The following LAMB1 variants were observed in gnomAD, a reference collection of about 807,000 sequenced individuals.
LAMB1 encodes the protein laminin subunit beta 1, also known as laminin subunit beta-1.
A neutral mutation model predicts 222.3 loss-of-function variants in LAMB1; 121 were observed. The observed-to-expected ratio is 0.54, with a 90% CI of 0.47 to 0.63. The LOEUF is 0.63. Ranked by LOEUF, LAMB1 falls within the 30% of genes least tolerant of loss-of-function variation. The pLI, the probability that LAMB1 is intolerant of heterozygous loss-of-function variation, is 0.00. For synonymous variants in LAMB1, 794 were observed against 807.2 expected (o/e 0.98, Z 0.28); for missense variants, 2,172 against 2,240.8 (o/e 0.97, Z 0.62).
chr7:107,964,406 T>C (rs1267687225), intron 14 of LAMB1, 146 bp downstream of exon 14: 14 of 938,612 alleles, frequency 1.5e-5, no homozygotes, highest in Non-Finnish European at 2.1e-5. Context: ...ATGACTCTTC[T>C]CAGGAAGGCA....
intron 32 of LAMB1, among the ~76,000 whole-genome samples, chr7:107,925,151 T>C (rs916710475): frequency 2.0e-5 from 3 of 152,072 alleles, no homozygotes; most frequent in African/African-American, 4.8e-5. Context: ...TAGAGAGAGG[T>C]AGGGAAAGTT....
Position 107,978,164 on chromosome 7 carries a change from GA to G in LAMB1, c.882del (p.His295ThrfsTer13). On this transcript the variant is annotated frameshift_variant and splice_region_variant, in exon 9 of 34. Transcript: ENST00000222399. LOFTEE classifies it high-confidence loss of function. ...TTATGCCTGCACATGCAGTGTCCGT[GA>G]ACCTTGAAAGTTATAAAAACAGGAG... ...DGFNEEVEGM[V>X]HGHCMCRHNT... The G allele has an allele frequency of 6.2e-7, 1 of 1,613,862 alleles. No individual in the cohort carries two copies. The highest frequency in any genetic ancestry group is 2.2e-5 in the East Asian group (1 of 44,874).
intron 12 of LAMB1, among the ~76,000 whole-genome samples, chr7:107,974,180 C>T (rs1474875855): frequency 6.6e-6 from 1 of 151,788 alleles, no homozygotes; most frequent in African/African-American, 2.4e-5. Flanking sequence ...GTGAATCCTC[C>T]CTAAATTAGA....
rs1247745974 is a variant in LAMB1, at chr7:107,964,567, T to A, written c.1683A>T (p.Glu561Asp). The A allele has an allele frequency of 6.2e-7, 1 of 1,614,156 alleles. No individual in the cohort carries two copies. The highest frequency in any genetic ancestry group is 1.7e-5 in the Admixed American group (1 of 60,010). The change falls in exon 14 of 34, where the codon GAA becomes GAT. Residue 561 changes from glutamate (E) to aspartate (D), a missense_variant. Coordinates refer to ENST00000222399, the MANE Select transcript of LAMB1 (RefSeq NM_002291.3). ...CCCTACTCACAGGCCCCAAGTTGGC[T>A]TCCTCCGCTTCATAGAGGTAGTGAT... ...TLDHYLYEAE[E>D]ANLGPGVSIV...
chr7:107,938,020 T>C (rs2032888438), intron 25 of LAMB1, among the ~76,000 whole-genome samples: 1 of 152,206 alleles, frequency 6.6e-6, no homozygotes, highest in South Asian at 2.1e-4. Flanking sequence ...TGTGTGCACA[T>C]GCGAGTGTGC....
At chr7:108,003,043 C>T in intron 1 of LAMB1, 68 bp downstream of exon 1, 1 of 1,430,382 alleles carries the variant, frequency 7.0e-7, no homozygotes, top group Non-Finnish European at 9.1e-7. Flanking sequence ...CATTTCCTGT[C>T]GCTCCCACGG....
At position 107,973,089 on chromosome 7, in the gene LAMB1, A is replaced by T. The variant is rs1334631311; in HGVS notation, c.1483-18T>A. On this transcript the variant is annotated intron_variant, in intron 12 of 33. Transcript: ENST00000222399. ...TGCTCTGGCTGCAGAACAAAACGTGAAACATGTAACGGTAGGTTTCTGTAA... is the reference window on the plus strand; with the variant it reads ...TGCTCTGGCTGCAGAACAAAACGTGTAACATGTAACGGTAGGTTTCTGTAA... 2.5e-6 allele frequency: 4 copies of T among 1,606,884 alleles called. No individual in the cohort carries two copies. The highest frequency in any genetic ancestry group is 1.7e-5 in the Admixed American group (1 of 59,986).
chr7:108,000,616 T>A (rs1216614151), intron 3 of LAMB1, among the ~76,000 whole-genome samples: 3 of 152,254 alleles, frequency 2.0e-5, no homozygotes. Context: ...TGATTATCGC[T>A]TACTGCAGCC....
chr7:108,000,807 G>A (rs1458792970), intron 3 of LAMB1, among the ~76,000 whole-genome samples: 1 of 152,204 alleles, frequency 6.6e-6, no homozygotes, highest in African/African-American at 2.4e-5. Context: ...CTCCCTAAGT[G>A]CTGGGATTAC....
At position 107,980,776 on chromosome 7, in the gene LAMB1, CA is replaced by C; in HGVS notation, c.711del (p.Phe237LeufsTer2). On this transcript the variant is annotated frameshift_variant, in exon 8 of 34. Coordinates refer to ENST00000222399, the MANE Select transcript of LAMB1 (RefSeq NM_002291.3). LOFTEE classifies it high-confidence loss of function. Reference sequence around the variant, plus strand: ...TTATCTCCCAAAGTATGCAGTTTCACAAACTTGATTCTCAAGTTGGTAATTT... The same window carrying C: ...TTATCTCCCAAAGTATGCAGTTTCACAACTTGATTCTCAAGTTGGTAATTT... ...LLKITNLRIK[F>X]VKLHTLGDNL... 1 of 1,611,484 alleles carries C rather than the reference CA, an allele frequency of 6.2e-7. No individual in the cohort carries two copies. Among genetic ancestry groups the C allele is most frequent in the South Asian group, 1.1e-5 (1 of 91,018 alleles).
In LAMB1 at chr7:107,937,291, G is replaced by A. The variant is rs368622402; in HGVS notation, c.3762-14C>T. ...TTAATCAGTTTCCTGTAAAGAGAAA[G>A]TTAAGCTTACTTACATAAAATAAAC... On this transcript the variant is annotated splice_polypyrimidine_tract_variant and intron_variant, in intron 25 of 33. Transcript: ENST00000222399. 7 of 1,606,124 alleles carry A rather than the reference G, an allele frequency of 4.4e-6. No individual in the cohort carries two copies. Among genetic ancestry groups the A allele is most frequent in the Non-Finnish European group, 6.0e-6 (7 of 1,175,096 alleles).
At chr7:107,983,361 T>A (rs2034010775) in intron 7 of LAMB1, among the ~76,000 whole-genome samples, 1 of 152,094 alleles carries the variant, frequency 6.6e-6, no homozygotes, top group African/African-American at 2.4e-5. Flanking sequence ...TGGTTGCACC[T>A]TAGTAGCAGG....
At chr7:107,964,727 C>A in intron 13 of LAMB1, 40 bp from the exon 14 acceptor site, 1 of 1,608,454 alleles carries the variant, frequency 6.2e-7, no homozygotes, top group South Asian at 1.1e-5. Flanking sequence ...AGTTCATGGT[C>A]ACGCGAGTCA....
chr7:107,955,112 T>A (rs2033347074), intron 21 of LAMB1, among the ~76,000 whole-genome samples: 1 of 152,194 alleles, frequency 6.6e-6, no homozygotes, highest in Non-Finnish European at 1.5e-5. Context: ...TGACTACTAT[T>A]TGGTAACCTC....
intron 20 of LAMB1, among the ~76,000 whole-genome samples, chr7:107,956,947 G>C (rs1424990284): frequency 6.6e-6 from 1 of 152,176 alleles, no homozygotes; most frequent in East Asian, 1.9e-4. Context: ...TTTGAATTTG[G>C]GGTCCTTAAA....
chr7:107,926,327 G>C lies in LAMB1; in HGVS notation c.4920C>G (p.Thr1640=), dbSNP rs150786846. 1 of 1,613,862 alleles carries C rather than the reference G, an allele frequency of 6.2e-7. No individual in the cohort carries two copies. The highest frequency in any genetic ancestry group is 1.3e-5 in the African/African-American group (1 of 75,028). Residue 1640 remains threonine (T), a synonymous_variant, in exon 32 of 34, where the codon ACC becomes ACG. Transcript: ENST00000222399. The part of the protein sequence containing the change: ...IESETAASEE[T]LFNASQRISE... ...TGATGCGCTGGGACGCGTTGAACAA[G>C]GTTTCCTCAGAAGCTGCTGTTTCAG...
At chr7:107,957,397 A>G (rs1489020676) in intron 20 of LAMB1, among the ~76,000 whole-genome samples, 2 of 151,908 alleles carry the variant, frequency 1.3e-5, no homozygotes, top group African/African-American at 2.4e-5. Context: ...TCTCAAAACA[A>G]ACAAACAACA....
chr7:107,980,645 G>C lies in LAMB1; in HGVS notation c.843C>G (p.Ala281=), dbSNP rs1189278631. ...CFCYGHASEC[A]PVDGFNEEVE... is the part of the protein sequence containing the mutation. ...CTTCTTCATTGAATCCATCCACAGGGGCACATTCGCTGGCATGACCATAGC... is the reference window on the plus strand; with the variant it reads ...CTTCTTCATTGAATCCATCCACAGGCGCACATTCGCTGGCATGACCATAGC... Residue 281 remains alanine (A), a synonymous_variant, in exon 8 of 34, where the codon GCC becomes GCG. Coordinates refer to ENST00000222399, the MANE Select transcript of LAMB1 (RefSeq NM_002291.3). 1 of 1,613,926 alleles carries C rather than the reference G, an allele frequency of 6.2e-7. No individual in the cohort carries two copies. Among genetic ancestry groups the C allele is most frequent in the African/African-American group, 1.3e-5 (1 of 74,900 alleles).
intron 5 of LAMB1, 127 bp downstream of exon 5, chr7:107,994,760 C>T (rs2034252373): frequency 9.4e-6 from 5 of 534,572 alleles, no homozygotes; most frequent in Middle Eastern, 4.4e-4. Context: ...GCTCAATTAC[C>T]CCAATTTATG....
Sources: gnomAD v4.1 joint callset for allele counts (sites outside exome capture counted in the v4.1 genomes callset) on GRCh38, gnomAD v4.1.1 for gene constraint, MANE v1.5 for transcripts, NCBI Gene and HGNC (gene_info 2026-07-23, HGNC 2026-07-21) for gene names.